Variants in MAVS observed in about 807,000 individuals in gnomAD.
MAVS encodes mitochondrial antiviral-signaling protein.
MAVS carries 20 observed loss-of-function variants against 30.2 expected under a neutral mutation model. The ratio of observed to expected loss-of-function variants is 0.66; its 90% confidence interval spans 0.47 to 0.96. The LOEUF is 0.96. Ranked by LOEUF, MAVS falls within the 40% of genes least tolerant of loss-of-function variation. The pLI, the probability that MAVS is intolerant of heterozygous loss-of-function variation, is 0.00. For synonymous variants in MAVS, 278 were observed against 293.9 expected, an observed-to-expected ratio of 0.95 and a Z score of 0.55; for missense variants, 624 against 701.1, an observed-to-expected ratio of 0.89 and a Z score of 1.24.
rs1194555399 is a variant in MAVS at position 3,858,798 on chromosome 20, CT to C, written c.292+1001del. Among the ~76,000 whole-genome samples the C allele has an allele frequency of 7.1e-3, 1,010 of 142,092 alleles. 8 individuals are homozygous for C. The highest frequency in any genetic ancestry group is 0.021 in the African/African-American group (813 of 38,404). The allele number at this position is 142,092 out of a possible 152,430, so 93.2% of individuals were successfully genotyped here. On this transcript the variant is annotated intron_variant, in intron 3 of 6. Coordinates refer to ENST00000428216, the MANE Select transcript of MAVS (RefSeq NM_020746.5). ...CCATGTTTTTCTTTTCTTTCTCTCT[CT>C]TTTTTTTTTTTCCTTTTAGAGACAG...
chr20:3,848,255 T>G lies in MAVS; in HGVS notation c.-68+1352T>G, dbSNP rs372003427. Among the ~76,000 whole-genome samples the G allele has an allele frequency of 2.0e-5, 3 of 152,064 alleles. No homozygotes were observed. In the South Asian group the frequency reaches 6.2e-4, roughly 32 times the overall value. ...CTGGGACTACAGGTGTGTGCCACCA[T>G]GCCTGGCTAATTTTTGCATTTTTAG... On this transcript the variant is annotated intron_variant, in intron 1 of 6. Transcript: ENST00000428216.
At position 3,859,962 on chromosome 20, in the gene MAVS, G is replaced by A. The variant is rs181641528; in HGVS notation, c.293-1370G>A. Among the ~76,000 whole-genome samples, 524 of 150,644 alleles carry A rather than the reference G, an allele frequency of 3.5e-3. 1 individual carries two copies. The highest frequency in any genetic ancestry group is 6.4e-3 in the African/African-American group (261 of 41,070). On this transcript the variant is annotated intron_variant, in intron 3 of 6. Transcript: ENST00000428216. ...CTCCCGAGTAGCTGGGACTACAGGC[G>A]CCTGCAACCATGCCCGGCTAACTTT...
Position 3,864,472 on chromosome 20 carries a change from T to C in MAVS, c.842T>C (p.Ile281Thr). ...GCAGAGAGTGACCAGGCCGAGCCTA[T>C]CATCTGCTCCAGTGGGGCAGAGGCA... ...QGAESDQAEP[I>T]ICSSGAEAPA... Residue 281 changes from isoleucine (I) to threonine (T), a missense_variant, in exon 6 of 7, where the codon ATC becomes ACC. Transcript: ENST00000428216. 6.2e-7 allele frequency: 1 copy of C among 1,613,984 alleles called. No individual in the cohort carries two copies. The highest frequency in any genetic ancestry group is 2.2e-5 in the East Asian group (1 of 44,864).
At chr20:3,856,351 G>C (rs1390973734) in intron 2 of MAVS, among the ~76,000 whole-genome samples, 3 of 120,526 alleles carry the variant, frequency 2.5e-5, no homozygotes, top group African/African-American at 3.5e-5. Flanking sequence ...ACTGCGCCCA[G>C]CATTTTTTTT....
Position 3,854,715 on chromosome 20 carries a change from C to A in MAVS, c.91C>A (p.Leu31Met), listed in dbSNP as rs775031370. The A allele has an allele frequency of 1.2e-6, 2 of 1,613,664 alleles. No individual in the cohort carries two copies. Among genetic ancestry groups the A allele is most frequent in the Non-Finnish European group, 1.7e-6 (2 of 1,179,730 alleles). Residue 31 changes from leucine to methionine, a missense_variant, in exon 2 of 7, where the codon CTG (leucine) becomes ATG (methionine). Transcript: ENST00000428216. Reference protein sequence around the residue: ...NVDVVEILPYLPCLTARDQDR... With the variant: ...NVDVVEILPYMPCLTARDQDR... ...GGATGTTGTAGAGATTCTGCCTTACCTGCCCTGCCTCACAGCAAGAGACCA... is the reference window on the plus strand; with the variant it reads ...GGATGTTGTAGAGATTCTGCCTTACATGCCCTGCCTCACAGCAAGAGACCA...
intron 3 of MAVS, among the ~76,000 whole-genome samples, chr20:3,859,100 C>CT (rs918017231): frequency 1.4e-4 from 22 of 151,750 alleles, no homozygotes; most frequent in Non-Finnish European, 2.6e-4. Context: ...CTCATGCTTG[C>CT]TTTTCTCTCC....
chr20:3,862,141 C>T (rs2089871593), intron 4 of MAVS, 113 bp from the exon 5 acceptor site: 1 of 1,257,848 alleles, frequency 8.0e-7, no homozygotes, highest in Non-Finnish European at 1.1e-6. Context: ...CCCCTGGCTC[C>T]TGTGCTCCAT....
intron 3 of MAVS, among the ~76,000 whole-genome samples, chr20:3,858,219 AC>A (rs2089829907): frequency 6.8e-6 from 1 of 146,304 alleles, no homozygotes; most frequent in Non-Finnish European, 1.5e-5. Context: ...CTACTCATTC[AC>A]CCTCCCTCTC....
chr20:3,870,548 C>T lies in MAVS; in HGVS notation c.*4401C>T, dbSNP rs2089946017. On this transcript the variant is annotated 3_prime_UTR_variant, in exon 7 of 7. Coordinates refer to ENST00000428216, the MANE Select transcript of MAVS (RefSeq NM_020746.5). ...GATGTGGTGGCTTGTGCCTGTAATC[C>T]CAGCATTTTGGGAAGCCGAGGTGGG... is the stretch of plus-strand genomic sequence containing the variant. The T allele has an allele frequency of 1.4e-5, 2 of 144,320 alleles. No individual in the cohort carries two copies. The highest frequency in any genetic ancestry group is 1.5e-4 in the Admixed American group (2 of 13,582). The allele number at this position is 144,320 out of a possible 1,614,324, so 8.9% of individuals were successfully genotyped here.
At chr20:3,847,061 G>C (rs187737006) in intron 1 of MAVS, among the ~76,000 whole-genome samples, 158 bp downstream of exon 1, 46 of 152,350 alleles carry the variant, frequency 3.0e-4, no homozygotes, top group Admixed American at 1.4e-3. Flanking sequence ...GGATCCGGAA[G>C]AGCGGGCCCT....
chr20:3,864,072 A>C (rs1339347484), intron 5 of MAVS, among the ~76,000 whole-genome samples, 184 bp from the exon 6 acceptor site: 1 of 152,132 alleles, frequency 6.6e-6, no homozygotes, highest in Non-Finnish European at 1.5e-5. Context: ...GACTGAGGGC[A>C]GCTGTTGGGC....
At chr20:3,856,619 G>A (rs533880463) in intron 2 of MAVS, among the ~76,000 whole-genome samples, 19 of 152,004 alleles carry the variant, frequency 1.2e-4, no homozygotes, top group Non-Finnish European at 4.4e-5. Context: ...CTGGGATTAC[G>A]GGTGTGAGCT....
At position 3,872,065 on chromosome 20, in the gene MAVS, G is replaced by A. The variant is rs745889143; in HGVS notation, c.*5918G>A. On this transcript the variant is annotated 3_prime_UTR_variant, in exon 7 of 7. Coordinates refer to ENST00000428216, the MANE Select transcript of MAVS (RefSeq NM_020746.5). Reference sequence around the variant, plus strand: ...AGGGGACAATGCGAGGGAAAACTCTGACCCCGGGGCCCCAGGCTGGATGTT... The same window carrying A: ...AGGGGACAATGCGAGGGAAAACTCTAACCCCGGGGCCCCAGGCTGGATGTT... The A allele has an allele frequency of 1.3e-5, 2 of 152,330 alleles. No individual in the cohort carries two copies. The highest frequency in any genetic ancestry group is 2.4e-5 in the African/African-American group (1 of 41,448). 9.4% of individuals were successfully genotyped at this position (152,330 alleles called of 1,614,324 possible).
chr20:3,864,347 C>G lies in MAVS; in HGVS notation c.717C>G (p.Arg239=). The change falls in exon 6 of 7, where the codon CGC becomes CGG. Residue 239 remains arginine, a synonymous_variant. Transcript: ENST00000428216. ...CCCGTTCCACCCCCAGGGCAAGCCGCTTGCCTGGACCCACAGGGTCAGTTG... is the reference window on the plus strand; with the variant it reads ...CCCGTTCCACCCCCAGGGCAAGCCGGTTGCCTGGACCCACAGGGTCAGTTG... The part of the protein sequence containing the change: ...PLARSTPRAS[R]LPGPTGSVVS... 6.2e-7 allele frequency: 1 copy of G among 1,613,626 alleles called. No individual in the cohort carries two copies. The highest frequency in any genetic ancestry group is 8.5e-7 in the Non-Finnish European group (1 of 1,180,000).
At chr20:3,860,008 G>A (rs981788868) in intron 3 of MAVS, among the ~76,000 whole-genome samples, 1 of 135,304 alleles carries the variant, frequency 7.4e-6, no homozygotes, top group Non-Finnish European at 1.6e-5. Flanking sequence ...TAGTAGAGAT[G>A]GGGTTTCACC....
At chr20:3,859,960 G>A (rs931217904) in intron 3 of MAVS, among the ~76,000 whole-genome samples, 7 of 151,028 alleles carry the variant, frequency 4.6e-5, no homozygotes, top group Admixed American at 6.6e-5. Flanking sequence ...GGGACTACAG[G>A]CGCCTGCAAC....
At chr20:3,850,342 A>C (rs1222208860) in intron 1 of MAVS, among the ~76,000 whole-genome samples, 10 of 150,248 alleles carry the variant, frequency 6.7e-5, no homozygotes, top group Non-Finnish European at 1.3e-4. Context: ...CACGCCTGTA[A>C]ATCTCAGCAC....
At chr20:3,858,906 C>T (rs2089837244) in intron 3 of MAVS, among the ~76,000 whole-genome samples, 1 of 151,460 alleles carries the variant, frequency 6.6e-6, no homozygotes, top group Non-Finnish European at 1.5e-5. Flanking sequence ...CTCAAGTGAT[C>T]CTTCTACCTC....
rs893894076 is a variant in MAVS at position 3,870,551 on chromosome 20, G to C, written c.*4404G>C. 1 of 142,290 alleles carries C rather than the reference G, an allele frequency of 7.0e-6. No homozygotes were observed. The highest frequency in any genetic ancestry group is 2.6e-5 in the African/African-American group (1 of 38,976). 8.8% of individuals were successfully genotyped at this position (142,290 alleles called of 1,614,324 possible). ...GTGGTGGCTTGTGCCTGTAATCCCA[G>C]CATTTTGGGAAGCCGAGGTGGGAGG... On this transcript the variant is annotated 3_prime_UTR_variant, in exon 7 of 7. Coordinates refer to ENST00000428216, the MANE Select transcript of MAVS (RefSeq NM_020746.5).
Sources: gnomAD v4.1 joint callset for allele counts (sites outside exome capture counted in the v4.1 genomes callset) on GRCh38, gnomAD v4.1.1 for gene constraint, MANE v1.5 for transcripts, NCBI Gene and HGNC (gene_info 2026-07-23, HGNC 2026-07-21) for gene names.